The following TENM2 variants were observed in gnomAD, a reference collection of about 807,000 sequenced individuals.
TENM2 encodes teneurin-2.
A neutral mutation model predicts 245.2 loss-of-function variants in TENM2; 52 were observed. The observed-to-expected ratio is 0.21, with a 90% confidence interval of 0.17 to 0.27. The LOEUF (loss-of-function observed/expected upper bound fraction) is 0.27. TENM2 is among the 10% of genes least tolerant of loss of function. The pLI, the probability that TENM2 is intolerant of heterozygous loss-of-function variation, is 1.00. For synonymous variants in TENM2, 1,363 were observed against 1,438.9 expected (o/e 0.95, Z 1.19); for missense variants, 3,046 against 3,666.8 (o/e 0.83, Z 4.37).
chr5:167,677,252 C>T (rs567681600), intron 2 of TENM2, among the ~76,000 whole-genome samples: 42 of 152,096 alleles, frequency 2.8e-4, no homozygotes, highest in African/African-American at 7.0e-4. Flanking sequence ...TTTTACCAAA[C>T]GATTCTTTAA....
intron 1 of TENM2, among the ~76,000 whole-genome samples, chr5:167,298,112 G>C (rs1755063923): frequency 6.6e-6 from 1 of 152,094 alleles, no homozygotes; most frequent in African/African-American, 2.4e-5. Context: ...AAATTTTTGG[G>C]GGTGGGATGG....
the TENM2 span, among the ~76,000 whole-genome samples, chr5:167,060,807 C>T: frequency 1.3e-5 from 2 of 151,766 alleles, no homozygotes; most frequent in Non-Finnish European, 2.9e-5. Context: ...CTTTGAAAGC[C>T]AGTGTGTGTG....
intron 2 of TENM2, among the ~76,000 whole-genome samples, chr5:167,784,181 T>C (rs1764405729): frequency 6.6e-6 from 1 of 152,244 alleles, no homozygotes; most frequent in Admixed American, 6.5e-5. Context: ...CTTCTGACTT[T>C]GTCATTAATG....
intron 1 of TENM2, among the ~76,000 whole-genome samples, chr5:167,333,911 G>A (rs1219286038): frequency 6.6e-6 from 1 of 152,032 alleles, no homozygotes; most frequent in East Asian, 1.9e-4. Flanking sequence ...TTCAAATGGA[G>A]TTATAATGAA....
At chr5:167,852,632 A>G (rs1770686169) in intron 2 of TENM2, among the ~76,000 whole-genome samples, 1 of 152,200 alleles carries the variant, frequency 6.6e-6, no homozygotes, top group Admixed American at 6.5e-5. Context: ...ATCTTGGCTT[A>G]ATGGTAATTG....
At chr5:166,979,188 C>CAGCAGCAGCAGCAG in the TENM2 span, among the ~76,000 whole-genome samples, 18 of 97,610 alleles carry the variant, frequency 1.8e-4, no homozygotes, top group East Asian at 1.3e-3. Flanking sequence ...AGCAGCAGCA[C>CAGCAGCAGCAGCAG]CACCACCAGC....
chr5:168,205,705 T>C (rs1306109412), intron 19 of TENM2, among the ~76,000 whole-genome samples: 1 of 152,110 alleles, frequency 6.6e-6, no homozygotes, highest in African/African-American at 2.4e-5. Context: ...AGGAGGGTGG[T>C]GAGCTCAGGG....
chr5:168,028,835 G>C (rs1271069056), intron 5 of TENM2, among the ~76,000 whole-genome samples: 2 of 149,986 alleles, frequency 1.3e-5, no homozygotes, highest in Non-Finnish European at 2.9e-5. Context: ...TGTGACCTCA[G>C]CTGAGCCAAT....
chr5:167,933,909 A>C lies in TENM2; in HGVS notation c.713-18679A>C, dbSNP rs973863573. Among the ~76,000 whole-genome samples, 3 of 152,230 alleles carry C rather than the reference A, an allele frequency of 2.0e-5. No homozygotes were observed. In the East Asian group the frequency reaches 5.8e-4, roughly 29 times the overall value. ...GCTGGCAGGTGGTAAAAGTGCTAAC[A>C]AAAAATTAGCAATTGTTATTATTAT... is the stretch of plus-strand genomic sequence containing the variant. On this transcript the variant is annotated intron_variant, in intron 3 of 28. Transcript: ENST00000518659.
chr5:167,530,906 A>G (rs1456456066), intron 2 of TENM2, among the ~76,000 whole-genome samples: 1 of 152,204 alleles, frequency 6.6e-6, no homozygotes, highest in Non-Finnish European at 1.5e-5. Flanking sequence ...ATCTAACTGC[A>G]TTAACTCTTC....
At chr5:168,224,400 A>G (rs1241982971) in intron 23 of TENM2, among the ~76,000 whole-genome samples, 1 of 152,070 alleles carries the variant, frequency 6.6e-6, no homozygotes, top group Non-Finnish European at 1.5e-5. Context: ...ATGTGATTGC[A>G]CTCTCAGCTT....
At chr5:167,183,547 A>C in the TENM2 span, among the ~76,000 whole-genome samples, 6 of 152,204 alleles carry the variant, frequency 3.9e-5, no homozygotes, top group African/African-American at 1.4e-4. Context: ...ACATTTGTTG[A>C]ATAAATGTAT....
intron 12 of TENM2, 107 bp downstream of exon 14, chr5:168,127,073 C>G: frequency 1.1e-6 from 1 of 946,162 alleles, no homozygotes; most frequent in Middle Eastern, 2.5e-4. Context: ...TTCCTGCTGC[C>G]CCTCCAAATC....
chr5:167,085,906 G>A, the TENM2 span, among the ~76,000 whole-genome samples: 36 of 152,262 alleles, frequency 2.4e-4, 1 homozygote, highest in South Asian at 7.0e-3. Flanking sequence ...GAGTGCTCAC[G>A]GCGATCACTA....
At chr5:167,182,760 C>G in the TENM2 span, among the ~76,000 whole-genome samples, 2 of 152,072 alleles carry the variant, frequency 1.3e-5, no homozygotes, top group Non-Finnish European at 2.9e-5. Flanking sequence ...GATACCAGAT[C>G]CCACTCCTCC....
chr5:167,609,380 G>A (rs915986728), intron 2 of TENM2, among the ~76,000 whole-genome samples: 2 of 151,206 alleles, frequency 1.3e-5, no homozygotes, highest in South Asian at 2.1e-4. Flanking sequence ...TGTGGGCCAC[G>A]CATGGCTGCT....
chr5:167,316,393 C>T (rs373239054), intron 1 of TENM2, among the ~76,000 whole-genome samples: 3 of 152,168 alleles, frequency 2.0e-5, no homozygotes, highest in Admixed American at 6.5e-5. Flanking sequence ...TGTACATGAG[C>T]AGATGCAGTA....
At chr5:167,103,989 C>T in the TENM2 span, among the ~76,000 whole-genome samples, 1 of 152,074 alleles carries the variant, frequency 6.6e-6, no homozygotes, top group African/African-American at 2.4e-5. Flanking sequence ...GACTGGCAAA[C>T]TTGTGTTTGG....
At chr5:167,066,154 G>A in the TENM2 span, among the ~76,000 whole-genome samples, 1 of 152,086 alleles carries the variant, frequency 6.6e-6, no homozygotes, top group South Asian at 2.1e-4. Flanking sequence ...AATCTTTGAG[G>A]GATATTGTGG....
Sources: allele counts gnomAD v4.1 joint callset (sites outside exome capture counted in the v4.1 genomes callset), GRCh38; gene constraint gnomAD v4.1.1; transcripts MANE v1.5; gene names NCBI Gene and HGNC (gene_info 2026-07-23, HGNC 2026-07-21).